LDB2: variants seen among roughly 807,000 people sequenced by gnomAD.
LDB2 encodes LIM domain binding 2.
A neutral mutation model predicts 44.3 loss-of-function variants in LDB2; 12 were observed. The ratio of observed to expected loss-of-function variants is 0.27; its 90% CI spans 0.17 to 0.44. The LOEUF (loss-of-function observed/expected upper bound fraction) is 0.44. LDB2 is among the 20% of genes least tolerant of loss of function. LDB2 has a pLI of 1.00. For missense variants in LDB2, 344 were observed against 473.5 expected, an observed-to-expected ratio of 0.73 and a Z score of 2.54; for synonymous variants, 164 against 174.8, an observed-to-expected ratio of 0.94 and a Z score of 0.49.
At chr4:16,707,627 A>C (rs1042057692) in intron 2 of LDB2, among the ~76,000 whole-genome samples, 2 of 152,152 alleles carry the variant, frequency 1.3e-5, no homozygotes, top group African/African-American at 4.8e-5. Context: ...AGCATAAATT[A>C]AACTAAGTCA....
intron 1 of LDB2, among the ~76,000 whole-genome samples, chr4:16,888,145 G>C (rs746932567): frequency 1.3e-5 from 2 of 152,184 alleles, no homozygotes; most frequent in Admixed American, 1.3e-4. Context: ...AGTCTGTGCT[G>C]GGCTGCATAT....
At chr4:16,821,759 A>C (rs1945580011) in intron 1 of LDB2, among the ~76,000 whole-genome samples, 1 of 149,590 alleles carries the variant, frequency 6.7e-6, no homozygotes, top group Non-Finnish European at 1.5e-5. Flanking sequence ...AAAAAAAAAA[A>C]AAAAAAAAAA....
intron 1 of LDB2, among the ~76,000 whole-genome samples, chr4:16,796,227 G>A (rs1163475184): frequency 6.6e-6 from 1 of 152,182 alleles, no homozygotes; most frequent in African/African-American, 2.4e-5. Context: ...GAAGGTTGCA[G>A]TGAGCCAAGA....
At chr4:16,746,268 G>C (rs991643069) in intron 2 of LDB2, among the ~76,000 whole-genome samples, 1 of 152,168 alleles carries the variant, frequency 6.6e-6, no homozygotes, top group Non-Finnish European at 1.5e-5. Flanking sequence ...AATCCAGTAA[G>C]TCATTATTGA....
At chr4:16,770,228 T>C (rs1204375826) in intron 1 of LDB2, among the ~76,000 whole-genome samples, 1 of 152,204 alleles carries the variant, frequency 6.6e-6, no homozygotes, top group Non-Finnish European at 1.5e-5. Flanking sequence ...TGGTGTGTTT[T>C]ACATGCACAG....
At position 16,592,641 on chromosome 4, in the gene LDB2, A is replaced by G. The variant is rs1421356324; in HGVS notation, c.408+3062T>C. 2.6e-5 allele frequency among the ~76,000 whole-genome samples: 4 copies of G among 152,052 alleles called. No individual in the cohort carries two copies. The East Asian group carries it at 5.8e-4, about 22-fold the overall frequency. ...GTAAGAAGGATGAACTGTCAAAGAC[A>G]TAAGTGAGTATTCATATAGGAAAAC... On this transcript the variant is annotated intron_variant, in intron 3 of 7. Coordinates refer to ENST00000304523, the MANE Select transcript of LDB2 (RefSeq NM_001290.5).
At chr4:16,862,335 A>G (rs1712905752) in intron 1 of LDB2, among the ~76,000 whole-genome samples, 1 of 151,978 alleles carries the variant, frequency 6.6e-6, no homozygotes, top group East Asian at 1.9e-4. Flanking sequence ...CTAATCTTAC[A>G]TGAATCAAAG....
At chr4:16,540,681 T>A (rs542445937) in intron 5 of LDB2, among the ~76,000 whole-genome samples, 1 of 152,108 alleles carries the variant, frequency 6.6e-6, no homozygotes, top group East Asian at 1.9e-4. Flanking sequence ...TCAGGAAGAG[T>A]CTGGCACAAA....
At chr4:16,795,699 G>T (rs1320905897) in intron 1 of LDB2, among the ~76,000 whole-genome samples, 1 of 152,150 alleles carries the variant, frequency 6.6e-6, no homozygotes, top group East Asian at 1.9e-4. Context: ...TAATTTGTTT[G>T]TCTTTCACTA....
intron 1 of LDB2, among the ~76,000 whole-genome samples, chr4:16,831,222 G>A (rs1234762839): frequency 1.4e-5 from 2 of 142,096 alleles, no homozygotes; most frequent in African/African-American, 5.3e-5. Flanking sequence ...CATAAGGGAA[G>A]ACTGAACTTC....
chr4:16,711,452 G>T (rs157619), intron 2 of LDB2, among the ~76,000 whole-genome samples: 1 of 151,966 alleles, frequency 6.6e-6, no homozygotes, highest in South Asian at 2.1e-4. Context: ...ATGGGAAAAA[G>T]TGAGGATGAT....
intron 2 of LDB2, among the ~76,000 whole-genome samples, chr4:16,658,543 G>GT (rs1740565483): frequency 9.9e-6 from 1 of 101,086 alleles, no homozygotes; most frequent in Non-Finnish European, 2.3e-5. Context: ...TTCTAGATCT[G>GT]ATTTTTTTTT....
intron 1 of LDB2, among the ~76,000 whole-genome samples, chr4:16,831,031 A>T (rs1430759597): frequency 1.3e-5 from 2 of 152,148 alleles, no homozygotes; most frequent in Non-Finnish European, 2.9e-5. Flanking sequence ...GTGTCCATGG[A>T]ATCTATTATT....
At chr4:16,882,478 C>T (rs1720442063) in intron 1 of LDB2, among the ~76,000 whole-genome samples, 1 of 152,138 alleles carries the variant, frequency 6.6e-6, no homozygotes, top group Non-Finnish European at 1.5e-5. Context: ...ACCATTCCCC[C>T]TCCATTCTCT....
At chr4:16,787,004 G>T (rs1219614508) in intron 1 of LDB2, among the ~76,000 whole-genome samples, 2 of 152,150 alleles carry the variant, frequency 1.3e-5, no homozygotes, top group African/African-American at 4.8e-5. Context: ...GGTGCTGGAA[G>T]GGGGAACCTA....
intron 5 of LDB2, among the ~76,000 whole-genome samples, chr4:16,531,729 G>A (rs1441793299): frequency 6.6e-6 from 1 of 152,182 alleles, no homozygotes; most frequent in Non-Finnish European, 1.5e-5. Flanking sequence ...TCATGCTTGA[G>A]TGCTGGCATG....
chr4:16,784,900 G>T (rs140848627), intron 1 of LDB2, among the ~76,000 whole-genome samples: 3 of 152,152 alleles, frequency 2.0e-5, no homozygotes, highest in African/African-American at 4.8e-5. Flanking sequence ...TGCTCCCTGG[G>T]TGTAGACTGT....
intron 2 of LDB2, among the ~76,000 whole-genome samples, chr4:16,691,892 A>G (rs1750852115): frequency 6.6e-6 from 1 of 152,180 alleles, no homozygotes; most frequent in African/African-American, 2.4e-5. Context: ...TAATCCCTTG[A>G]GAAGCTGCTT....
At chr4:16,675,884 T>C (rs1746164096) in intron 2 of LDB2, among the ~76,000 whole-genome samples, 1 of 152,218 alleles carries the variant, frequency 6.6e-6, no homozygotes, top group Non-Finnish European at 1.5e-5. Flanking sequence ...TCCATTTCTT[T>C]ATTATAAGAT....
Sources: gnomAD v4.1 joint callset for allele counts (sites outside exome capture counted in the v4.1 genomes callset) on GRCh38, gnomAD v4.1.1 for gene constraint, MANE v1.5 for transcripts, NCBI Gene and HGNC (gene_info 2026-07-23, HGNC 2026-07-21) for gene names.